Variants in RNGTT observed in about 807,000 individuals in gnomAD.
RNGTT encodes the protein RNA guanylyltransferase and 5'-phosphatase, also known as mRNA-capping enzyme.
Under a neutral mutation model 79.3 loss-of-function variants are expected in RNGTT, and 33 were observed. The observed-to-expected ratio is 0.42, with a 90% CI of 0.32 to 0.56. The LOEUF is 0.56. Ranked by LOEUF, RNGTT falls within the 20% of genes least tolerant of loss-of-function variation. The probability of loss-of-function intolerance (pLI) is 0.17; values close to 1 mark genes in which losing one functional copy is unlikely to be tolerated. For missense variants in RNGTT, 497 were observed against 739.1 expected, an observed-to-expected ratio of 0.67 and a Z score of 3.80; for synonymous variants, 222 against 235.9, an observed-to-expected ratio of 0.94 and a Z score of 0.54.
intron 8 of RNGTT, among the ~76,000 whole-genome samples, chr6:88,883,814 G>GTCT (rs1782770798): frequency 6.6e-6 from 1 of 152,090 alleles, no homozygotes; most frequent in Non-Finnish European, 1.5e-5. Context: ...ATAAAATTTT[G>GTCT]TATGGCAAAA....
intron 14 of RNGTT, among the ~76,000 whole-genome samples, chr6:88,629,094 T>C (rs1375061595): frequency 3.3e-5 from 5 of 152,078 alleles, no homozygotes; most frequent in African/African-American, 7.2e-5. Context: ...GGAAAGAAGA[T>C]AGGACAAACA....
At chr6:88,806,202 C>T (rs1187838817) in intron 11 of RNGTT, among the ~76,000 whole-genome samples, 1 of 151,924 alleles carries the variant, frequency 6.6e-6, no homozygotes, top group Non-Finnish European at 1.5e-5. Flanking sequence ...AAAGATAAGG[C>T]AGTCAACAGA....
intron 13 of RNGTT, among the ~76,000 whole-genome samples, chr6:88,688,663 CA>C (rs1380776999): frequency 6.6e-6 from 1 of 152,164 alleles, no homozygotes; most frequent in African/African-American, 2.4e-5. Flanking sequence ...TCCCAATGGT[CA>C]AAATCAAAAC....
At chr6:88,956,101 C>T (rs1785423401) in intron 1 of RNGTT, among the ~76,000 whole-genome samples, 1 of 147,670 alleles carries the variant, frequency 6.8e-6, no homozygotes, top group African/African-American at 2.5e-5. Context: ...ATTGATAGAC[C>T]ATTAGCAAGA....
intron 11 of RNGTT, among the ~76,000 whole-genome samples, chr6:88,815,572 A>G (rs1055691324): frequency 1.3e-5 from 2 of 152,154 alleles, no homozygotes; most frequent in Non-Finnish European, 2.9e-5. Flanking sequence ...ACGTATTCCA[A>G]TAGGTTTTTG....
In RNGTT at chr6:88,614,305, T is replaced by C. The variant is rs1582234832; in HGVS notation, c.1597A>G (p.Lys533Glu). ...GTGTTGTAGGCATTAGGAAAACTTT[T>C]GTCTGTTCTCTGTCTCATGAAGACC... Reference protein sequence around the residue: ...SWVFMRQRTDKSFPNAYNTAM... With the variant: ...SWVFMRQRTDESFPNAYNTAM... The change falls in exon 15 of 16, where the codon AAA (lysine) becomes GAA (glutamate). Residue 533 changes from lysine to glutamate, a missense_variant. Physicochemically the swap from Lys to Glu is moderately conservative, Grantham distance 56 (BLOSUM62 1). Around this residue, in one of 3 missense-constraint regions of RNGTT, gnomAD observed 440 missense variants for 671.5 expected, o/e 0.66. Coordinates refer to ENST00000369485, the MANE Select transcript of RNGTT (RefSeq NM_003800.5). 1.9e-6 allele frequency: 3 copies of C among 1,613,966 alleles called. No individual in the cohort carries two copies. Among genetic ancestry groups the C allele is most frequent in the Non-Finnish European group, 2.5e-6 (3 of 1,179,834 alleles).
At chr6:88,649,744 C>T (rs1197575353) in intron 14 of RNGTT, among the ~76,000 whole-genome samples, 1 of 151,804 alleles carries the variant, frequency 6.6e-6, no homozygotes, top group Non-Finnish European at 1.5e-5. Context: ...TGAATTTGTG[C>T]TAGAGTATCA....
At chr6:88,807,201 A>C (rs1001421436) in intron 11 of RNGTT, among the ~76,000 whole-genome samples, 2 of 152,192 alleles carry the variant, frequency 1.3e-5, no homozygotes, top group Non-Finnish European at 2.9e-5. Context: ...GTGTTTACTT[A>C]TGTAACAAAC....
chr6:88,782,639 T>G (rs13200836), intron 12 of RNGTT, among the ~76,000 whole-genome samples: 21,063 of 151,978 alleles, frequency 0.14, 1,591 homozygotes, highest in Middle Eastern at 0.24. Context: ...AAAATAATCT[T>G]CAAACTATAC....
chr6:88,786,846 T>C (rs1340983729), intron 12 of RNGTT, among the ~76,000 whole-genome samples: 2 of 152,192 alleles, frequency 1.3e-5, no homozygotes, highest in African/African-American at 4.8e-5. Context: ...GTGATGGTAT[T>C]AGGAGGTGGG....
At chr6:88,650,179 C>T (rs2127777436) in intron 14 of RNGTT, among the ~76,000 whole-genome samples, 1 of 152,288 alleles carries the variant, frequency 6.6e-6, no homozygotes, top group East Asian at 1.9e-4. Context: ...ATAATTTCTA[C>T]TTTTTCCTTG....
At position 88,844,389 on chromosome 6, in the gene RNGTT, T is replaced by A; in HGVS notation, c.1237A>T (p.Lys413Ter). ...GAAGTACAGATGTCAAAAAACGGCT[T>A]ATTTCTGACGCTAAATGGTTCCTGT... is the stretch of plus-strand genomic sequence containing the variant. ...KTQEPFSVRN[K>*]PFFDICTSRK... Residue 413 changes from lysine (K) to a stop codon, truncating the protein, a stop_gained, in exon 11 of 16, where the codon AAG becomes TAG. Coordinates refer to ENST00000369485, the MANE Select transcript of RNGTT (RefSeq NM_003800.5). LOFTEE classifies it high-confidence loss of function. The A allele has an allele frequency of 6.2e-7, 1 of 1,613,482 alleles. No homozygotes were observed. The highest frequency in any genetic ancestry group is 8.5e-7 in the Non-Finnish European group (1 of 1,179,874).
At chr6:88,808,064 T>G (rs554156413) in intron 11 of RNGTT, among the ~76,000 whole-genome samples, 4 of 152,248 alleles carry the variant, frequency 2.6e-5, no homozygotes, top group African/African-American at 9.6e-5. Flanking sequence ...AAAAGAAAAT[T>G]TTCAGGTAGA....
chr6:88,757,114 A>C (rs1479033074), intron 13 of RNGTT, among the ~76,000 whole-genome samples: 1 of 152,208 alleles, frequency 6.6e-6, no homozygotes, highest in Non-Finnish European at 1.5e-5. Flanking sequence ...ATAAATGTAT[A>C]TCAGTTACTG....
At chr6:88,659,656 T>C (rs1299150379) in intron 14 of RNGTT, among the ~76,000 whole-genome samples, 1 of 151,486 alleles carries the variant, frequency 6.6e-6, no homozygotes, top group African/African-American at 2.4e-5. Flanking sequence ...GGGATTATGT[T>C]AAAATGACCA....
chr6:88,682,037 T>C (rs1397827572), intron 13 of RNGTT, among the ~76,000 whole-genome samples: 1 of 152,186 alleles, frequency 6.6e-6, no homozygotes, highest in Non-Finnish European at 1.5e-5. Context: ...CAAAATTGTT[T>C]CCAGAAAAGT....
intron 12 of RNGTT, among the ~76,000 whole-genome samples, chr6:88,773,961 G>A (rs6912498): frequency 0.14 from 21,078 of 152,052 alleles, 1,597 homozygotes; most frequent in Middle Eastern, 0.24. Flanking sequence ...CATAGTTTGG[G>A]CTTAATCAAA....
intron 11 of RNGTT, among the ~76,000 whole-genome samples, chr6:88,836,985 T>G (rs1443325881): frequency 1.3e-5 from 2 of 152,150 alleles, no homozygotes; most frequent in Non-Finnish European, 2.9e-5. Context: ...ATGTACCAAT[T>G]TTCACATAGG....
chr6:88,871,729 G>A (rs180863208), intron 8 of RNGTT, among the ~76,000 whole-genome samples: 2 of 152,210 alleles, frequency 1.3e-5, no homozygotes, highest in Admixed American at 1.3e-4. Context: ...ATGCAGAAAG[G>A]TGGCTGTTCA....
Sources: gnomAD v4.1 joint callset for allele counts (sites outside exome capture counted in the v4.1 genomes callset) on GRCh38, gnomAD v4.1.1 for gene constraint, gnomAD v4.1.1 regional missense constraint, MANE v1.5 for transcripts, NCBI Gene and HGNC (gene_info 2026-07-23, HGNC 2026-07-21) for gene names.